Variants in SLC25A12 observed in about 807,000 individuals in gnomAD.
SLC25A12 encodes the protein solute carrier family 25 member 12, also known as electrogenic aspartate/glutamate antiporter SLC25A12, mitochondrial.
SLC25A12 carries 32 observed loss-of-function variants against 83.3 expected under a neutral mutation model. That is an observed-to-expected ratio of 0.38 (90% confidence interval 0.29 to 0.52). The LOEUF is 0.52. Ranked by LOEUF, SLC25A12 falls within the 20% of genes least tolerant of loss-of-function variation. The pLI is 0.84. For synonymous variants in SLC25A12, 267 were observed against 291.1 expected (o/e 0.92, Z 0.84); for missense variants, 611 against 835.6 (o/e 0.73, Z 3.31).
chr2:171,786,639 A>C (rs577191763), intron 17 of SLC25A12, among the ~76,000 whole-genome samples: 17 of 152,142 alleles, frequency 1.1e-4, no homozygotes, highest in Non-Finnish European at 2.4e-4. Flanking sequence ...TGAAAAGCTA[A>C]TAATTGCTTG....
At chr2:171,833,884 T>C in intron 8 of SLC25A12, 79 bp downstream of exon 8, 1 of 845,274 alleles carries the variant, frequency 1.2e-6, no homozygotes, top group Non-Finnish European at 2.0e-6. Flanking sequence ...CATGTTAGAA[T>C]GAACTAAAAG....
At chr2:171,864,087 C>G (rs1263591910) in intron 3 of SLC25A12, among the ~76,000 whole-genome samples, 2 of 152,166 alleles carry the variant, frequency 1.3e-5, no homozygotes, top group African/African-American at 4.8e-5. Flanking sequence ...CAATAGCTAC[C>G]TAAATTGATT....
chr2:171,823,504 T>C (rs1267174146), intron 9 of SLC25A12, among the ~76,000 whole-genome samples: 1 of 152,234 alleles, frequency 6.6e-6, no homozygotes, highest in African/African-American at 2.4e-5. Flanking sequence ...TCTGTTTCTA[T>C]AAAATTCTAA....
At chr2:171,855,798 A>G in intron 4 of SLC25A12, 36 bp downstream of exon 4, 1 of 1,185,100 alleles carries the variant, frequency 8.4e-7, no homozygotes, top group African/African-American at 1.5e-5. Context: ...GACCAGCATC[A>G]TTAACTTATC....
intron 4 of SLC25A12, among the ~76,000 whole-genome samples, chr2:171,845,264 T>A (rs901569472): frequency 1.3e-5 from 2 of 152,186 alleles, no homozygotes; most frequent in Non-Finnish European, 2.9e-5. Flanking sequence ...CTTGTCTTCA[T>A]GCACTAACAA....
rs1165532818 is a variant in SLC25A12 at position 171,810,400 on chromosome 2, G to C, written c.1172-124C>G. 1.1e-5 allele frequency: 9 copies of C among 806,130 alleles called. No homozygotes were observed. The Admixed American group carries it at 1.2e-4, about 11-fold the overall frequency. 49.9% of individuals were successfully genotyped at this position (806,130 alleles called of 1,614,324 possible). On this transcript the variant is annotated intron_variant, in intron 11 of 17. Coordinates refer to ENST00000422440, the MANE Select transcript of SLC25A12 (RefSeq NM_003705.5). ...ACATTGCAGAGTTTTCATTAAAATG[G>C]GAAAAAGATTATCCTTAAAACTCTG...
At chr2:171,824,894 C>G (rs1244622075) in intron 9 of SLC25A12, among the ~76,000 whole-genome samples, 1 of 152,030 alleles carries the variant, frequency 6.6e-6, no homozygotes, top group Non-Finnish European at 1.5e-5. Context: ...ACCTCAACTT[C>G]CTGGGCTCAG....
At chr2:171,798,574 T>C (rs1395308325) in intron 13 of SLC25A12, among the ~76,000 whole-genome samples, 2 of 152,186 alleles carry the variant, frequency 1.3e-5, no homozygotes. Context: ...TATGTGCGTA[T>C]AAAATAACCA....
chr2:171,791,646 A>C, intron 14 of SLC25A12, 57 bp from the exon 15 acceptor site: 1 of 1,527,480 alleles, frequency 6.5e-7, no homozygotes, highest in South Asian at 1.1e-5. Flanking sequence ...TGAATGCCCA[A>C]ATGGGATCCA....
intron 5 of SLC25A12, among the ~76,000 whole-genome samples, chr2:171,844,129 A>C (rs540378162): frequency 6.6e-6 from 1 of 152,350 alleles, no homozygotes; most frequent in East Asian, 1.9e-4. Context: ...GATACAATTA[A>C]AAAGTATTTA....
chr2:171,853,516 A>G (rs1317978307), intron 4 of SLC25A12, among the ~76,000 whole-genome samples: 1 of 152,222 alleles, frequency 6.6e-6, no homozygotes, highest in African/African-American at 2.4e-5. Flanking sequence ...CCCCGTCTCT[A>G]CTAAAAATAC....
chr2:171,865,851 A>T (rs1014937684), intron 3 of SLC25A12, among the ~76,000 whole-genome samples: 57 of 151,920 alleles, frequency 3.8e-4, no homozygotes, highest in South Asian at 1.5e-3. Flanking sequence ...CCAAAAAAAA[A>T]ATTTTTTTTA....
chr2:171,832,529 A>G (rs1161598891), intron 8 of SLC25A12, among the ~76,000 whole-genome samples: 1 of 152,184 alleles, frequency 6.6e-6, no homozygotes, highest in East Asian at 1.9e-4. Context: ...GTACACTTGT[A>G]TATTTACCCC....
rs145746525 is a variant in SLC25A12 at position 171,787,868 on chromosome 2, C to A, written c.1665G>T (p.Thr555=). The A allele has an allele frequency of 5.6e-6, 9 of 1,614,120 alleles. No individual in the cohort carries two copies. Among genetic ancestry groups the A allele is most frequent in the Non-Finnish European group, 1.7e-6 (2 of 1,180,044 alleles). Residue 555 remains threonine, a synonymous_variant, in exon 16 of 18, where the codon ACG becomes ACT. Coordinates refer to ENST00000422440, the MANE Select transcript of SLC25A12 (RefSeq NM_003705.5). ...RLQVAARAGQ[T]TYSGVIDCFR... Reference sequence around the variant, plus strand: ...AACAGTCGATGACACCACTGTATGTCGTCTGGCCAGCGCGGGCAGCCACCT... The same window carrying A: ...AACAGTCGATGACACCACTGTATGTAGTCTGGCCAGCGCGGGCAGCCACCT...
At chr2:171,886,671 G>C (rs899393167) in intron 2 of SLC25A12, among the ~76,000 whole-genome samples, 6 of 151,692 alleles carry the variant, frequency 4.0e-5, no homozygotes, top group Non-Finnish European at 7.4e-5. Context: ...CACCATGCCC[G>C]GCTAATTTTT....
intron 3 of SLC25A12, among the ~76,000 whole-genome samples, chr2:171,867,125 C>T (rs1411594455): frequency 5.3e-5 from 8 of 149,726 alleles, no homozygotes; most frequent in African/African-American, 1.7e-4. Flanking sequence ...GGCGGCCGGG[C>T]AGAGACGCTC....
intron 9 of SLC25A12, among the ~76,000 whole-genome samples, chr2:171,818,249 G>A (rs773741718): frequency 2.0e-5 from 3 of 151,910 alleles, no homozygotes; most frequent in Admixed American, 6.6e-5. Context: ...ATTGCCTGCC[G>A]TGAGCAAATG....
At chr2:171,884,096 T>C (rs1405368235) in intron 2 of SLC25A12, among the ~76,000 whole-genome samples, 1 of 148,962 alleles carries the variant, frequency 6.7e-6, no homozygotes, top group Non-Finnish European at 1.5e-5. Flanking sequence ...GCCAGGCTGG[T>C]CTCAAACTAG....
chr2:171,826,731 C>A, intron 9 of SLC25A12, 67 bp downstream of exon 9: 1 of 882,606 alleles, frequency 1.1e-6, no homozygotes, highest in Non-Finnish European at 1.9e-6. Flanking sequence ...CAGAAGCTGT[C>A]AGCTCCTATT....
Sources: gnomAD v4.1 joint callset for allele counts (sites outside exome capture counted in the v4.1 genomes callset) on GRCh38, gnomAD v4.1.1 for gene constraint, MANE v1.5 for transcripts, NCBI Gene and HGNC (gene_info 2026-07-23, HGNC 2026-07-21) for gene names.